Variants in IGF2BP2 observed in about 807,000 individuals in gnomAD.
IGF2BP2 encodes insulin-like growth factor 2 mRNA-binding protein 2.
A neutral mutation model predicts 75.8 loss-of-function variants in IGF2BP2; 17 were observed. The observed-to-expected ratio is 0.22, with a 90% CI of 0.15 to 0.34. IGF2BP2 has a LOEUF of 0.34. Among genes scored for constraint, IGF2BP2 ranks in the 10% least tolerant of loss-of-function variants. The pLI is 1.00. For synonymous variants in IGF2BP2, 288 were observed against 295.6 expected (o/e 0.97, Z 0.26); for missense variants, 516 against 772.4 (o/e 0.67, Z 3.93).
At chr3:185,656,067 G>A (rs1021354181) in intron 12 of IGF2BP2, among the ~76,000 whole-genome samples, 1 of 152,246 alleles carries the variant, frequency 6.6e-6, no homozygotes, top group Admixed American at 6.5e-5. Flanking sequence ...GGATGAGATG[G>A]TCCCTCAAGC....
At chr3:185,811,867 TCTCTCTCTCTCC>T (rs778781971) in intron 2 of IGF2BP2, among the ~76,000 whole-genome samples, 3,183 of 59,912 alleles carry the variant, frequency 0.053, 106 homozygotes, top group African/African-American at 0.23. Flanking sequence ...TCTCTCTCTC[TCTCTCTCTCTCC>T]CCCTCTCCCT....
chr3:185,803,686 T>C (rs61122583), intron 2 of IGF2BP2, among the ~76,000 whole-genome samples: 9,144 of 152,274 alleles, frequency 0.06, 334 homozygotes, highest in African/African-American at 0.1. Context: ...ATCAAGATTG[T>C]AGTTCACTGA....
intron 2 of IGF2BP2, among the ~76,000 whole-genome samples, chr3:185,786,007 G>A (rs1735832415): frequency 6.6e-6 from 1 of 152,164 alleles, no homozygotes; most frequent in Non-Finnish European, 1.5e-5. Context: ...TACATGTCCT[G>A]TCTTCCAGAA....
At chr3:185,813,555 G>A (rs960693459) in intron 2 of IGF2BP2, among the ~76,000 whole-genome samples, 1 of 152,220 alleles carries the variant, frequency 6.6e-6, no homozygotes, top group South Asian at 2.1e-4. Flanking sequence ...TTTTCTATCC[G>A]TCAATGGTTG....
chr3:185,725,680 T>A (rs1307397641), intron 2 of IGF2BP2, among the ~76,000 whole-genome samples: 1 of 152,154 alleles, frequency 6.6e-6, no homozygotes, highest in Admixed American at 6.5e-5. Flanking sequence ...AAGTTACAAA[T>A]TCAGGACTAG....
At chr3:185,656,037 TG>T (rs1715382814) in intron 12 of IGF2BP2, among the ~76,000 whole-genome samples, 2 of 152,388 alleles carry the variant, frequency 1.3e-5, no homozygotes, top group South Asian at 4.1e-4. Flanking sequence ...CACTTTTCTC[TG>T]CTGAACAAGA....
At chr3:185,799,133 C>G (rs1211021674) in intron 2 of IGF2BP2, among the ~76,000 whole-genome samples, 1 of 151,594 alleles carries the variant, frequency 6.6e-6, no homozygotes, top group African/African-American at 2.4e-5. Flanking sequence ...GGCACAGTGG[C>G]TCACGCCTGT....
intron 2 of IGF2BP2, among the ~76,000 whole-genome samples, chr3:185,734,495 AAAG>A (rs1276218909): frequency 1.3e-5 from 2 of 152,216 alleles, no homozygotes; most frequent in Non-Finnish European, 2.9e-5. Context: ...TCTTCTGAGC[AAAG>A]AATCATACAC....
At chr3:185,782,946 G>C (rs1379614717) in intron 2 of IGF2BP2, among the ~76,000 whole-genome samples, 1 of 152,180 alleles carries the variant, frequency 6.6e-6, no homozygotes, top group Non-Finnish European at 1.5e-5. Flanking sequence ...ATATGAAGAA[G>C]TTATGTAGTT....
chr3:185,741,373 T>C (rs1430484495), intron 2 of IGF2BP2, among the ~76,000 whole-genome samples: 1 of 152,242 alleles, frequency 6.6e-6, no homozygotes, highest in Non-Finnish European at 1.5e-5. Flanking sequence ...TTGAAGCTAC[T>C]GGTTGTCAAT....
chr3:185,820,547 A>G (rs948707848), intron 2 of IGF2BP2, among the ~76,000 whole-genome samples: 1 of 152,178 alleles, frequency 6.6e-6, no homozygotes, highest in Admixed American at 6.5e-5. Flanking sequence ...ATACGCTGCA[A>G]AAAGAAAAGA....
At chr3:185,800,718 A>AAAAAAG (rs771868332) in intron 2 of IGF2BP2, among the ~76,000 whole-genome samples, 2 of 143,390 alleles carry the variant, frequency 1.4e-5, no homozygotes, top group South Asian at 2.3e-4. Context: ...GAGCCAAAAA[A>AAAAAAG]AAAGAAAGAA....
chr3:185,701,074 A>G (rs1723226470), intron 2 of IGF2BP2, among the ~76,000 whole-genome samples: 1 of 151,728 alleles, frequency 6.6e-6, no homozygotes, highest in East Asian at 1.9e-4. Flanking sequence ...ACTTTTAGCT[A>G]CTAACTTTTT....
intron 2 of IGF2BP2, among the ~76,000 whole-genome samples, chr3:185,702,259 T>A (rs145662753): frequency 6.6e-6 from 1 of 152,014 alleles, no homozygotes; most frequent in Non-Finnish European, 1.5e-5. Flanking sequence ...ATGATGAAGA[T>A]CCTCCTGACC....
chr3:185,813,245 T>A (rs866749122), intron 2 of IGF2BP2, among the ~76,000 whole-genome samples: 1 of 152,186 alleles, frequency 6.6e-6, no homozygotes, highest in Admixed American at 6.5e-5. Context: ...ATAAACATTT[T>A]AAAAAATAAT....
intron 2 of IGF2BP2, among the ~76,000 whole-genome samples, chr3:185,754,861 T>C (rs1731404683): frequency 6.6e-6 from 1 of 152,206 alleles, no homozygotes; most frequent in Non-Finnish European, 1.5e-5. Flanking sequence ...AATCAAGATG[T>C]GGCCTGGCTG....
chr3:185,745,998 G>A (rs1022519722), intron 2 of IGF2BP2, among the ~76,000 whole-genome samples: 1 of 152,088 alleles, frequency 6.6e-6, no homozygotes, highest in Non-Finnish European at 1.5e-5. Flanking sequence ...AAGAACCTAG[G>A]TTTGGGAAGA....
intron 5 of IGF2BP2, among the ~76,000 whole-genome samples, chr3:185,689,981 A>AAAGAAAG (rs1376812132): frequency 6.6e-6 from 1 of 151,394 alleles, no homozygotes; most frequent in Admixed American, 6.6e-5. Flanking sequence ...AAAAAAAAAA[A>AAAGAAAG]AAAGAAAGAC....
At chr3:185,777,533 A>C (rs1217667476) in intron 2 of IGF2BP2, among the ~76,000 whole-genome samples, 1 of 151,440 alleles carries the variant, frequency 6.6e-6, no homozygotes. Context: ...CTTCTAAAAG[A>C]AAAACCCCAA....
Sources: allele counts gnomAD v4.1 joint callset (sites outside exome capture counted in the v4.1 genomes callset), GRCh38; gene constraint gnomAD v4.1.1; transcripts MANE v1.5; gene names NCBI Gene and HGNC (gene_info 2026-07-23, HGNC 2026-07-21).